FARP2: variants seen among roughly 807,000 people sequenced by gnomAD.
FARP2 encodes FERM, ARHGEF and pleckstrin domain-containing protein 2.
In FARP2, 111 loss-of-function variants were observed where a neutral mutation model predicts 130.5. The ratio of observed to expected loss-of-function variants is 0.85; its 90% CI spans 0.73 to 1.00. FARP2 has a LOEUF of 1.00. FARP2 is among the 50% of genes least tolerant of loss of function. The pLI is 0.00. For missense variants in FARP2, 1,385 were observed against 1,346.3 expected (o/e 1.03, Z -0.45); for synonymous variants, 504 against 516.9 (o/e 0.98, Z 0.34).
In FARP2 at chr2:241,487,348, C is replaced by A. The variant is rs186629746; in HGVS notation, c.2422-2614C>A. ...TGATGGGGCTATGCCCTGATAAACC[C>A]ATTGTAAGAGGAAAATAGTATAGTC... is the stretch of plus-strand genomic sequence containing the variant. On this transcript the variant is annotated intron_variant, in intron 21 of 26. Coordinates refer to ENST00000264042, the MANE Select transcript of FARP2 (RefSeq NM_014808.4). Among the ~76,000 whole-genome samples, 7 of 152,248 alleles carry A rather than the reference C, an allele frequency of 4.6e-5. No homozygotes were observed. The East Asian group carries it at 1.4e-3, about 29-fold the overall frequency.
intron 7 of FARP2, among the ~76,000 whole-genome samples, chr2:241,416,994 A>T (rs1485999100): frequency 6.6e-6 from 1 of 151,734 alleles, no homozygotes; most frequent in Admixed American, 6.6e-5. Context: ...ATAGTAAAAA[A>T]TATTTTTTAA....
Position 241,483,570 on chromosome 2 carries a change from G to A in FARP2, c.2331+37G>A, listed in dbSNP as rs531212541. On this transcript the variant is annotated intron_variant, in intron 20 of 26. Transcript: ENST00000264042. Reference sequence around the variant, plus strand: ...CCCCACTCAAGCTGTGCTTCCCCCCGAGGGGGATGGGCAGCAGTTCTGTTA... The same window carrying A: ...CCCCACTCAAGCTGTGCTTCCCCCCAAGGGGGATGGGCAGCAGTTCTGTTA... 8.9e-5 allele frequency: 141 copies of A among 1,579,808 alleles called. 3 individuals carry two copies. In the South Asian group the frequency reaches 1.4e-3, roughly 16 times the overall value.
In FARP2 at chr2:241,456,905, G is replaced by A. The variant is rs754939717; in HGVS notation, c.1570G>A (p.Glu524Lys). The change falls in exon 14 of 27, where the codon GAG (glutamate) becomes AAG (lysine). Residue 524 changes from glutamate (E) to lysine (K), a missense_variant. Physicochemically the swap from Glu to Lys is moderately conservative, Grantham distance 56. Coordinates refer to ENST00000264042, the MANE Select transcript of FARP2 (RefSeq NM_014808.4). ...TGCTGGCGGAGCCGGGATGGACTGC[G>A]AGGAGCCCAGACACAAGGTGGGCCC... is the stretch of plus-strand genomic sequence containing the variant. ...SDAGGAGMDC[E>K]EPRHKRVPAD... 1.1e-4 allele frequency: 171 copies of A among 1,602,426 alleles called. No homozygotes were observed. The highest frequency in any genetic ancestry group is 4.0e-4 in the Admixed American group (23 of 58,224).
At chr2:241,490,717 T>C (rs1460623472) in intron 22 of FARP2, among the ~76,000 whole-genome samples, 1 of 152,170 alleles carries the variant, frequency 6.6e-6, no homozygotes, top group African/African-American at 2.4e-5. Flanking sequence ...CAGGAAATGC[T>C]CACTTAATCA....
At chr2:241,468,505 C>A in intron 18 of FARP2, 128 bp downstream of exon 18, 1 of 694,372 alleles carries the variant, frequency 1.4e-6, no homozygotes, top group Non-Finnish European at 2.5e-6. Context: ...GGGCCTGGAC[C>A]ACAGTGGTCA....
intron 2 of FARP2, chr2:241,395,959 A>G (rs958701890): frequency 1.3e-5 from 2 of 152,240 alleles, no homozygotes; most frequent in African/African-American, 4.8e-5. Flanking sequence ...CTCCTGAAAC[A>G]TATGGCCTAC....
At chr2:241,399,691 C>G (rs549440810) in intron 2 of FARP2, among the ~76,000 whole-genome samples, 2 of 152,206 alleles carry the variant, frequency 1.3e-5, no homozygotes, top group South Asian at 4.1e-4. Context: ...TTTTGATATA[C>G]AGAAGGTTGT....
rs143666006 is a variant in FARP2, at chr2:241,376,191, A to G, written c.183+2901A>G. On this transcript the variant is annotated intron_variant, in intron 2 of 26. Coordinates refer to ENST00000264042, the MANE Select transcript of FARP2 (RefSeq NM_014808.4). Reference sequence around the variant, plus strand: ...CAGAATCTCATTCTCCCTCCAGCCCACTTGGCCTCATTTTTGTGGTCACAG... The same window carrying G: ...CAGAATCTCATTCTCCCTCCAGCCCGCTTGGCCTCATTTTTGTGGTCACAG... 3.2e-3 allele frequency among the ~76,000 whole-genome samples: 491 copies of G among 152,274 alleles called. 1 individual carries two copies. The highest frequency in any genetic ancestry group is 0.031 in the Middle Eastern group (9 of 294).
At chr2:241,390,800 A>G (rs1024593752) in intron 2 of FARP2, among the ~76,000 whole-genome samples, 1 of 152,024 alleles carries the variant, frequency 6.6e-6, no homozygotes, top group Non-Finnish European at 1.5e-5. Context: ...TTCGGTGACT[A>G]ATTTCTCTGC....
chr2:241,396,869 A>G (rs575997472), intron 2 of FARP2, among the ~76,000 whole-genome samples: 2 of 152,324 alleles, frequency 1.3e-5, no homozygotes, highest in South Asian at 4.1e-4. Flanking sequence ...ATGCTGCTAT[A>G]AAGACACATG....
At chr2:241,402,442 T>G (rs1192506515) in intron 2 of FARP2, among the ~76,000 whole-genome samples, 1 of 152,162 alleles carries the variant, frequency 6.6e-6, no homozygotes, top group Non-Finnish European at 1.5e-5. Flanking sequence ...AATAAAACAT[T>G]GTAACTTTTT....
chr2:241,430,970 A>T (rs1559762012), intron 8 of FARP2, among the ~76,000 whole-genome samples: 1 of 151,988 alleles, frequency 6.6e-6, no homozygotes, highest in South Asian at 2.1e-4. Context: ...ACTGCACTCC[A>T]GCCTAGGTGA....
chr2:241,458,850 G>T (rs1385418440), intron 14 of FARP2, among the ~76,000 whole-genome samples: 1 of 152,248 alleles, frequency 6.6e-6, no homozygotes, highest in Admixed American at 6.5e-5. Context: ...AAGCCTGTGA[G>T]TCATGACGTG....
intron 7 of FARP2, among the ~76,000 whole-genome samples, chr2:241,416,023 G>C (rs1466996747): frequency 1.3e-5 from 2 of 151,236 alleles, no homozygotes; most frequent in Non-Finnish European, 2.9e-5. Flanking sequence ...GTGTGTGTGT[G>C]TGTGTGTGTG....
intron 1 of FARP2, among the ~76,000 whole-genome samples, chr2:241,366,769 G>A (rs1442283014): frequency 6.6e-6 from 1 of 152,048 alleles, no homozygotes; most frequent in Non-Finnish European, 1.5e-5. Context: ...TGGATTCTTA[G>A]ACCTGAAAAA....
chr2:241,418,852 C>T (rs2062741708), intron 8 of FARP2, among the ~76,000 whole-genome samples: 1 of 152,148 alleles, frequency 6.6e-6, no homozygotes, highest in African/African-American at 2.4e-5. Flanking sequence ...CAAGTCCCCT[C>T]GCACCCAGGC....
chr2:241,365,270 C>G (rs1435751304), intron 1 of FARP2, among the ~76,000 whole-genome samples: 1 of 152,056 alleles, frequency 6.6e-6, no homozygotes, highest in African/African-American at 2.4e-5. Context: ...TCTTTTTTTC[C>G]TGTACCCACT....
chr2:241,405,837 G>C (rs1006488727), intron 4 of FARP2, among the ~76,000 whole-genome samples: 1 of 152,202 alleles, frequency 6.6e-6, no homozygotes, highest in Non-Finnish European at 1.5e-5. Context: ...AGGAGGCTGA[G>C]GCAGGAGAAT....
At chr2:241,490,747 C>T (rs980067109) in intron 22 of FARP2, among the ~76,000 whole-genome samples, 1 of 152,222 alleles carries the variant, frequency 6.6e-6, no homozygotes, top group Non-Finnish European at 1.5e-5. Flanking sequence ...GCCAATCTTG[C>T]ATTTCAGCAT....
Sources: gnomAD v4.1 joint callset for allele counts (sites outside exome capture counted in the v4.1 genomes callset) on GRCh38, gnomAD v4.1.1 for gene constraint, MANE v1.5 for transcripts, NCBI Gene and HGNC (gene_info 2026-07-23, HGNC 2026-07-21) for gene names.